Variants in MAP7 observed in about 807,000 individuals in gnomAD.
MAP7 encodes the protein ensconsin.
A neutral mutation model predicts 94.8 loss-of-function variants in MAP7; 52 were observed. The ratio of observed to expected loss-of-function variants is 0.55; its 90% CI spans 0.44 to 0.69. The LOEUF (loss-of-function observed/expected upper bound fraction) is 0.69, where lower values mean the gene tolerates loss of function less well. Among genes scored for constraint, MAP7 ranks in the 30% least tolerant of loss-of-function variants. The pLI, the probability that MAP7 is intolerant of heterozygous loss-of-function variation, is 0.00. For missense variants in MAP7, 940 were observed against 964.6 expected, an observed-to-expected ratio of 0.97 and a Z score of 0.34; for synonymous variants, 350 against 357.0, an observed-to-expected ratio of 0.98 and a Z score of 0.22.
At chr6:136,497,469 T>C (rs1028358517) in intron 1 of MAP7, among the ~76,000 whole-genome samples, 1 of 151,540 alleles carries the variant, frequency 6.6e-6, no homozygotes, top group African/African-American at 2.4e-5. Flanking sequence ...TGTTATCTTA[T>C]GTAAAATGCA....
intron 12 of MAP7, 57 bp downstream of exon 12, chr6:136,360,948 G>A: frequency 3.2e-6 from 5 of 1,548,650 alleles, no homozygotes; most frequent in Non-Finnish European, 2.6e-6. Context: ...TCCTCTGCTG[G>A]GCTGGGGCGT....
chr6:136,466,615 AT>A (rs1379600326), intron 1 of MAP7: 11 of 652,414 alleles, frequency 1.7e-5, no homozygotes, highest in South Asian at 6.5e-5. Flanking sequence ...TAAAACAATG[AT>A]TAAAAAAAAA....
At chr6:136,438,378 C>T (rs528119145) in intron 1 of MAP7, among the ~76,000 whole-genome samples, 5 of 152,276 alleles carry the variant, frequency 3.3e-5, no homozygotes, top group South Asian at 2.1e-4. Context: ...TAACCTGGTT[C>T]GACTCCAGAA....
intron 1 of MAP7, among the ~76,000 whole-genome samples, chr6:136,474,618 T>A (rs57818199): frequency 0.014 from 2,096 of 152,134 alleles, 86 homozygotes; most frequent in East Asian, 0.14. Context: ...AAAGGTAAAA[T>A]CTGTGACAAT....
chr6:136,488,801 T>C (rs1021222078), intron 1 of MAP7, among the ~76,000 whole-genome samples: 47 of 152,114 alleles, frequency 3.1e-4, no homozygotes, highest in African/African-American at 1.1e-3. Context: ...TAGCACATAA[T>C]AGGAAACACA....
At chr6:136,456,771 GAAGAAGAAGAA>G (rs1562421967) in intron 1 of MAP7, among the ~76,000 whole-genome samples, 2 of 62,750 alleles carry the variant, frequency 3.2e-5, no homozygotes, top group Non-Finnish European at 7.4e-5. Context: ...GGAGGAGGAA[GAAGAAGAAGAA>G]GAAGAAGAAG....
At chr6:136,354,680 A>G (rs1013822277) in intron 16 of MAP7, among the ~76,000 whole-genome samples, 46 of 152,080 alleles carry the variant, frequency 3.0e-4, no homozygotes, top group African/African-American at 1.1e-3. Flanking sequence ...TATATGACAA[A>G]GGATAATTTA....
At chr6:136,478,799 T>C (rs960475484) in intron 1 of MAP7, among the ~76,000 whole-genome samples, 2 of 151,594 alleles carry the variant, frequency 1.3e-5, no homozygotes, top group Non-Finnish European at 1.5e-5. Context: ...AAAGTAATAA[T>C]AAAAAGTTTC....
chr6:136,448,097 C>T (rs750414113), intron 1 of MAP7, among the ~76,000 whole-genome samples: 1 of 152,020 alleles, frequency 6.6e-6, no homozygotes, highest in Non-Finnish European at 1.5e-5. Context: ...GAGGCTGAGG[C>T]AGGAAAATCA....
intron 1 of MAP7, among the ~76,000 whole-genome samples, chr6:136,525,557 G>T (rs1827592155): frequency 6.6e-6 from 1 of 152,186 alleles, no homozygotes; most frequent in South Asian, 2.1e-4. Flanking sequence ...CTGCTGAAGT[G>T]AGCATGGGAA....
chr6:136,523,167 G>C (rs1826885850), intron 1 of MAP7, among the ~76,000 whole-genome samples: 1 of 152,202 alleles, frequency 6.6e-6, no homozygotes, highest in Admixed American at 6.5e-5. Context: ...AGTGGAAAAG[G>C]TAAAATGAAA....
intron 1 of MAP7, among the ~76,000 whole-genome samples, chr6:136,456,800 A>AG (rs1250421254): frequency 1.4e-4 from 9 of 63,146 alleles, no homozygotes; most frequent in African/African-American, 3.3e-4. Flanking sequence ...AAGAAGAAGA[A>AG]GAAGAAGAAG....
intron 1 of MAP7, among the ~76,000 whole-genome samples, chr6:136,503,264 T>C (rs191764346): frequency 9.8e-5 from 15 of 152,324 alleles, no homozygotes; most frequent in African/African-American, 3.4e-4. Context: ...TTGCTTTTTC[T>C]CTGCCCACCT....
At position 136,459,759 on chromosome 6, in the gene MAP7, G is replaced by A. The variant is rs142293359; in HGVS notation, c.68-37960C>T. The stretch of plus-strand genomic sequence containing the variant: ...ATGGGCCACGGGGAGGAGAAAATGC[G>A]GAGTTGCTATTCAATGGGTATAAAG... On this transcript the variant is annotated intron_variant, in intron 1 of 17. Transcript: ENST00000354570. Among the ~76,000 whole-genome samples the A allele has an allele frequency of 9.7e-4, 148 of 152,096 alleles. No homozygotes were observed. The East Asian group carries it at 0.012, about 13-fold the overall frequency.
intron 6 of MAP7, among the ~76,000 whole-genome samples, chr6:136,381,721 C>T (rs959876988): frequency 2.6e-5 from 4 of 151,986 alleles, no homozygotes; most frequent in African/African-American, 9.7e-5. Flanking sequence ...AGCGTTCTCC[C>T]TCTTGTCCTA....
intron 1 of MAP7, among the ~76,000 whole-genome samples, chr6:136,486,007 A>G (rs1264679823): frequency 2.0e-5 from 3 of 152,236 alleles, no homozygotes; most frequent in Non-Finnish European, 2.9e-5. Flanking sequence ...CATCAAGTAC[A>G]TCTAATAGAC....
rs140036736 is a variant in MAP7, at chr6:136,424,514, T to C, written c.68-2715A>G. ...AGCACCCTGGTGGTCTGGGACTCTC[T>C]TTCCAACATACTCTAAAACAAAATA... On this transcript the variant is annotated intron_variant, in intron 1 of 17. Coordinates refer to ENST00000354570, the MANE Select transcript of MAP7 (RefSeq NM_003980.6). Among the ~76,000 whole-genome samples the C allele has an allele frequency of 1.6e-3, 242 of 152,292 alleles. 2 individuals carry two copies. The highest frequency in any genetic ancestry group is 5.2e-3 in the African/African-American group (216 of 41,570).
In MAP7 at chr6:136,421,775, T is replaced by C. The variant is rs1791442824; in HGVS notation, c.92A>G (p.Asp31Gly). 1 of 1,613,436 alleles carries C rather than the reference T, an allele frequency of 6.2e-7. No homozygotes were observed. Among genetic ancestry groups the C allele is most frequent in the South Asian group, 1.1e-5 (1 of 90,782 alleles). Residue 31 changes from aspartate (D) to glycine (G), a missense_variant, in exon 2 of 18, where the codon GAT (aspartate) becomes GGT (glycine). Coordinates refer to ENST00000354570, the MANE Select transcript of MAP7 (RefSeq NM_003980.6). ...AGGGCGGCTGGAGGCATTTTTCTTA[T>C]CTTGCACTTTGTAGCTGTCGGGTGC... ...ETAPDSYKVQ[D>G]KKNASSRPAS... is the part of the protein sequence containing the mutation.
intron 1 of MAP7, among the ~76,000 whole-genome samples, chr6:136,521,251 A>G (rs1254567723): frequency 1.3e-5 from 2 of 152,326 alleles, no homozygotes; most frequent in African/African-American, 4.8e-5. Context: ...TACAGACTAA[A>G]TATGGCTCCA....
Sources: gnomAD v4.1 joint callset for allele counts (sites outside exome capture counted in the v4.1 genomes callset) on GRCh38, gnomAD v4.1.1 for gene constraint, MANE v1.5 for transcripts, NCBI Gene and HGNC (gene_info 2026-07-23, HGNC 2026-07-21) for gene names.